Variants in PITPNM2 observed in about 807,000 individuals in gnomAD.
PITPNM2 encodes the protein membrane-associated phosphatidylinositol transfer protein 2.
Under a neutral mutation model 132.2 loss-of-function variants are expected in PITPNM2, and 35 were observed. The ratio of observed to expected loss-of-function variants is 0.26; its 90% CI spans 0.20 to 0.35. PITPNM2 has a LOEUF of 0.35. Ranked by LOEUF, PITPNM2 falls within the 10% of genes least tolerant of loss-of-function variation. The pLI is 1.00. For missense variants in PITPNM2, 1,332 were observed against 1,912.0 expected (o/e 0.70, Z 5.66); for synonymous variants, 738 against 799.2 (o/e 0.92, Z 1.29).
intron 11 of PITPNM2, among the ~76,000 whole-genome samples, 192 bp from the exon 12 acceptor site, chr12:122,997,102 C>A (rs1476041380): frequency 6.6e-6 from 1 of 152,224 alleles, no homozygotes; most frequent in African/African-American, 2.4e-5. Flanking sequence ...AATATCCCCA[C>A]ATTACACGTT....
intron 2 of PITPNM2, among the ~76,000 whole-genome samples, chr12:123,055,042 G>A (rs2040978765): frequency 6.6e-6 from 1 of 152,066 alleles, no homozygotes; most frequent in Admixed American, 6.6e-5. Context: ...CAGCCTGGGC[G>A]AGAGAGCAAA....
chr12:122,986,590 G>A (rs2037944407), intron 24 of PITPNM2, 26 bp from the exon 25 acceptor site: 2 of 1,598,648 alleles, frequency 1.3e-6, no homozygotes, highest in Non-Finnish European at 1.7e-6. Flanking sequence ...CATGGGCACA[G>A]GCACCATGGT....
chr12:123,101,196 G>C (rs1240465955), intron 2 of PITPNM2, among the ~76,000 whole-genome samples: 2 of 152,180 alleles, frequency 1.3e-5, no homozygotes, highest in African/African-American at 2.4e-5. Context: ...CCATTTTGGG[G>C]AGATGCTTTA....
intron 10 of PITPNM2, 132 bp from the exon 11 acceptor site, chr12:122,997,704 T>C (rs951970987): frequency 7.8e-7 from 1 of 1,288,200 alleles, no homozygotes; most frequent in Middle Eastern, 2.1e-4. Context: ...CCAGTTTTGG[T>C]TACTCATGCC....
In PITPNM2 at chr12:123,078,252, C is replaced by G. The variant is rs1296594866; in HGVS notation, c.-96+32133G>C. ...CAGAGGGAAGGCATCAGCAGAGAGC[C>G]AATCCCACAGTTCTGCTGCTGCAGC... On this transcript the variant is annotated intron_variant, in intron 2 of 25. Transcript: ENST00000320201. This position sits in a 1 kb window ranked among gnomAD's most constrained non-coding sequence, Gnocchi z 7.3. Among the ~76,000 whole-genome samples, 1 of 152,186 alleles carries G rather than the reference C, an allele frequency of 6.6e-6. No homozygotes were observed. The highest frequency in any genetic ancestry group is 2.4e-5 in the African/African-American group (1 of 41,450).
intron 3 of PITPNM2, chr12:123,034,199 C>A: frequency 3.2e-6 from 1 of 308,610 alleles, no homozygotes; most frequent in Admixed American, 4.6e-5. Flanking sequence ...CCCAGGCAAA[C>A]TGAAACATAG....
intron 2 of PITPNM2, among the ~76,000 whole-genome samples, chr12:123,035,941 C>T (rs1418584249): frequency 3.3e-5 from 5 of 152,162 alleles, no homozygotes; most frequent in Non-Finnish European, 4.4e-5. Context: ...TCACTGCAGC[C>T]TTGATCTCCT....
chr12:122,985,317 C>G lies in PITPNM2; in HGVS notation c.*710G>C, dbSNP rs551172492. 6.6e-6 allele frequency: 1 copy of G among 152,578 alleles called. No individual in the cohort carries two copies. Among genetic ancestry groups the G allele is most frequent in the Non-Finnish European group, 1.5e-5 (1 of 68,054 alleles). The allele number at this position is 152,578 out of a possible 1,614,324, so 9.5% of individuals were successfully genotyped here. A position where few individuals can be genotyped will look rare whatever the true frequency, so the allele number is the denominator to read the frequency against. The stretch of plus-strand genomic sequence containing the variant: ...GGAAGAGGCGGCCAGGCCCGTCCAG[C>G]CCGTGGCCTGAGGCTGGAAACAACA... On this transcript the variant is annotated 3_prime_UTR_variant, in exon 26 of 26. Transcript: ENST00000320201.
chr12:122,988,332 A>G lies in PITPNM2; in HGVS notation c.2899T>C (p.Ser967Pro), dbSNP rs2038028265. 1 of 1,613,198 alleles carries G rather than the reference A, an allele frequency of 6.2e-7. No individual in the cohort carries two copies. The highest frequency in any genetic ancestry group is 1.3e-5 in the African/African-American group (1 of 74,896). Residue 967 changes from serine to proline, a missense_variant, in exon 20 of 26, where the codon TCC (serine) becomes CCC (proline). Ser to Pro is a moderately conservative substitution (Grantham distance 74). Around this residue, in one of 6 missense-constraint regions of PITPNM2, gnomAD observed 251 missense variants for 472.0 expected, o/e 0.53. Transcript: ENST00000320201. ...TTGCCATCCAGCTCCAAGATGCTGGAGTTGTCATGCCTCATGACCTGGGAA... is the reference window on the plus strand; with the variant it reads ...TTGCCATCCAGCTCCAAGATGCTGGGGTTGTCATGCCTCATGACCTGGGAA... ...LLRQVMRHDN[S>P]SILELDGKEV...
At chr12:123,147,416 G>A (rs1189327809) in intron 1 of PITPNM2, among the ~76,000 whole-genome samples, 3 of 152,102 alleles carry the variant, frequency 2.0e-5, no homozygotes, top group Non-Finnish European at 4.4e-5. Flanking sequence ...CTAGGCTAAA[G>A]GGATCCTCCC....
chr12:123,067,253 C>T (rs558579210), intron 2 of PITPNM2, among the ~76,000 whole-genome samples: 118 of 152,074 alleles, frequency 7.8e-4, no homozygotes, highest in South Asian at 1.9e-3. Flanking sequence ...GTCAGGAGTT[C>T]GAGACCAGCA....
intron 18 of PITPNM2, 85 bp from the exon 19 acceptor site, chr12:122,988,957 C>T: frequency 7.4e-7 from 1 of 1,358,940 alleles, no homozygotes; most frequent in Non-Finnish European, 9.7e-7. Flanking sequence ...CTGGCCTGCT[C>T]AGCCCAGCAC....
chr12:123,029,876 G>A (rs2040015589), intron 3 of PITPNM2, among the ~76,000 whole-genome samples: 1 of 151,218 alleles, frequency 6.6e-6, no homozygotes, highest in Non-Finnish European at 1.5e-5. Flanking sequence ...CCATGGGTGA[G>A]GGAGGGAGGA....
At chr12:123,120,332 T>C (rs2043011457) in intron 1 of PITPNM2, among the ~76,000 whole-genome samples, 1 of 152,118 alleles carries the variant, frequency 6.6e-6, no homozygotes, top group Admixed American at 6.6e-5. Flanking sequence ...ACAACAGGTG[T>C]CTAAGCAGCA....
chr12:122,997,109 C>A (rs536252568), intron 11 of PITPNM2, among the ~76,000 whole-genome samples, 199 bp from the exon 12 acceptor site: 1 of 152,176 alleles, frequency 6.6e-6, no homozygotes, highest in Admixed American at 6.5e-5. Context: ...CCACATTACA[C>A]GTTTGGAAAC....
intron 2 of PITPNM2, among the ~76,000 whole-genome samples, chr12:123,056,330 G>A (rs1402285862): frequency 6.6e-6 from 1 of 152,210 alleles, no homozygotes; most frequent in African/African-American, 2.4e-5. Context: ...AGGCAGTCTG[G>A]GAGCCTACAT....
rs2042009775 is a variant in PITPNM2 at position 123,082,996 on chromosome 12, TG to T, written c.-96+27388del. The T allele has an allele frequency of 6.6e-6, 1 of 152,310 alleles. No individual in the cohort carries two copies. Among genetic ancestry groups the T allele is most frequent in the South Asian group, 2.1e-4 (1 of 4,834 alleles). 9.4% of individuals were successfully genotyped at this position (152,310 alleles called of 1,614,324 possible). A position where few individuals can be genotyped will look rare whatever the true frequency, so the allele number is the denominator to read the frequency against. Reference sequence around the variant, plus strand: ...CATACAGTATTTGTCCTTCTGTGTCTGGCTTCTTTCACTGAGCATGTCTTAT... The same window carrying T: ...CATACAGTATTTGTCCTTCTGTGTCTGCTTCTTTCACTGAGCATGTCTTAT... On this transcript the variant is annotated intron_variant, in intron 2 of 25. Transcript: ENST00000320201. The surrounding 1 kb of genome is among the most constrained non-coding windows in gnomAD (Gnocchi z 5.4).
chr12:123,035,084 A>T lies in PITPNM2; in HGVS notation c.-95-399T>A, dbSNP rs924079776. On this transcript the variant is annotated intron_variant, in intron 2 of 25. Coordinates refer to ENST00000320201, the MANE Select transcript of PITPNM2 (RefSeq NM_020845.3). ...GGTCATGGAAAAGCAGGCAGATCAA[A>T]TAAAACTAAGCAGCACAGACATGAG... Among the ~76,000 whole-genome samples the T allele has an allele frequency of 3.9e-5, 6 of 152,368 alleles. No homozygotes were observed. In the East Asian group the frequency reaches 1.2e-3, roughly 29 times the overall value.
At chr12:123,096,309 A>T (rs2042409511) in intron 2 of PITPNM2, among the ~76,000 whole-genome samples, 1 of 152,218 alleles carries the variant, frequency 6.6e-6, no homozygotes, top group African/African-American at 2.4e-5. Flanking sequence ...CCCTGGTTAA[A>T]TGAGGCCACA....
Sources: gnomAD v4.1 joint callset for allele counts (sites outside exome capture counted in the v4.1 genomes callset) on GRCh38, gnomAD v4.1.1 for gene constraint, gnomAD v4.1.1 regional missense constraint, Gnocchi (gnomAD v3.1) non-coding constraint, MANE v1.5 for transcripts, NCBI Gene and HGNC (gene_info 2026-07-23, HGNC 2026-07-21) for gene names.